The following SLCO3A1 variants were observed in gnomAD, a reference collection of about 807,000 sequenced individuals.
The protein encoded by SLCO3A1 is solute carrier organic anion transporter family member 3A1.
Under a neutral mutation model 63.1 loss-of-function variants are expected in SLCO3A1, and 27 were observed. That is an observed-to-expected ratio of 0.43 (90% confidence interval 0.32 to 0.59). The LOEUF (loss-of-function observed/expected upper bound fraction) is 0.59. Ranked by LOEUF, SLCO3A1 falls within the 20% of genes least tolerant of loss-of-function variation. The probability of loss-of-function intolerance (pLI) is 0.09; values close to 1 mark genes in which losing one functional copy is unlikely to be tolerated. For missense variants in SLCO3A1, 773 were observed against 945.8 expected, an observed-to-expected ratio of 0.82 and a Z score of 2.40; for synonymous variants, 473 against 409.9, an observed-to-expected ratio of 1.15 and a Z score of -1.86.
intron 5 of SLCO3A1, among the ~76,000 whole-genome samples, chr15:92,124,344 G>C (rs1399640166): frequency 6.6e-6 from 1 of 152,194 alleles, no homozygotes; most frequent in East Asian, 1.9e-4. Flanking sequence ...GAGGGGGCCT[G>C]ACAATGGCTT....
intron 2 of SLCO3A1, among the ~76,000 whole-genome samples, chr15:91,962,494 A>AC (rs1000976892): frequency 6.6e-6 from 1 of 151,530 alleles, no homozygotes; most frequent in African/African-American, 2.4e-5. Context: ...AAAAAAAAAA[A>AC]AAAAAAAGAG....
intron 3 of SLCO3A1, 77 bp from the exon 4 acceptor site, chr15:92,104,202 C>A: frequency 6.6e-7 from 1 of 1,522,386 alleles, no homozygotes; most frequent in Non-Finnish European, 9.0e-7. Flanking sequence ...CTCTGTTCAG[C>A]GGATTCAGAT....
At chr15:92,160,799 G>A (rs536428753) in intron 9 of SLCO3A1, among the ~76,000 whole-genome samples, 6 of 152,248 alleles carry the variant, frequency 3.9e-5, no homozygotes, top group African/African-American at 1.2e-4. Flanking sequence ...AAAACCGGGG[G>A]AAGGGCTGCT....
rs539162939 is a variant in SLCO3A1, at chr15:92,000,015, T to G, written c.646+83557T>G. Among the ~76,000 whole-genome samples, 21 of 152,336 alleles carry G rather than the reference T, an allele frequency of 1.4e-4. No individual in the cohort carries two copies. The South Asian group carries it at 4.4e-3, about 32-fold the overall frequency. On this transcript the variant is annotated intron_variant, in intron 2 of 9. Coordinates refer to ENST00000318445, the MANE Select transcript of SLCO3A1 (RefSeq NM_013272.4). ...AGTATTTGATATGTATAAGATAGAA[T>G]ACTATATGGCAATTAAATGAATGGA...
At chr15:92,151,779 G>A (rs566316846) in intron 9 of SLCO3A1, among the ~76,000 whole-genome samples, 10 of 152,326 alleles carry the variant, frequency 6.6e-5, no homozygotes, top group African/African-American at 2.2e-4. Context: ...TGGACTTTAA[G>A]TGGCATCTGA....
At chr15:92,085,175 C>T (rs2047390671) in intron 2 of SLCO3A1, among the ~76,000 whole-genome samples, 1 of 152,216 alleles carries the variant, frequency 6.6e-6, no homozygotes, top group Admixed American at 6.5e-5. Context: ...GGACGCACAT[C>T]CAGTCCAGCT....
intron 2 of SLCO3A1, among the ~76,000 whole-genome samples, chr15:92,085,806 C>A: frequency 6.6e-6 from 1 of 152,190 alleles, no homozygotes; most frequent in East Asian, 1.9e-4. Flanking sequence ...AACCACAGTC[C>A]TGACTTCTGT....
chr15:92,133,958 C>G lies in SLCO3A1; in HGVS notation c.1512+5469C>G, dbSNP rs541234494. ...ATAAAGCATGTTGCAGCACAGGAAA[C>G]AAACAGCGTGTCTGCCCTGAAGATA... On this transcript the variant is annotated intron_variant, in intron 7 of 9. Coordinates refer to ENST00000318445, the MANE Select transcript of SLCO3A1 (RefSeq NM_013272.4). Among the ~76,000 whole-genome samples, 62 of 152,274 alleles carry G rather than the reference C, an allele frequency of 4.1e-4. 1 individual carries two copies. In the South Asian group the frequency reaches 0.012, roughly 31 times the overall value.
At chr15:91,949,975 C>T (rs947079299) in intron 2 of SLCO3A1, among the ~76,000 whole-genome samples, 1 of 152,136 alleles carries the variant, frequency 6.6e-6, no homozygotes, top group African/African-American at 2.4e-5. Context: ...CTACTGCACT[C>T]CAGCCTGAGC....
rs980972438 is a variant in SLCO3A1, at chr15:91,980,733, C to A, written c.646+64275C>A. On this transcript the variant is annotated intron_variant, in intron 2 of 9. Coordinates refer to ENST00000318445, the MANE Select transcript of SLCO3A1 (RefSeq NM_013272.4). ...AGTGTGTCTCTTGGTGCCCTGGTGC[C>A]CCTTGAACAAACACAGTCCCAGGAA... Among the ~76,000 whole-genome samples the A allele has an allele frequency of 2.0e-5, 3 of 152,158 alleles. No homozygotes were observed. The East Asian group carries it at 5.8e-4, about 30-fold the overall frequency.
chr15:92,024,506 C>T (rs182548589), intron 2 of SLCO3A1, among the ~76,000 whole-genome samples: 11 of 152,290 alleles, frequency 7.2e-5, no homozygotes, highest in Non-Finnish European at 1.2e-4. Context: ...CATGTATTGA[C>T]GTGTTTGTGT....
At chr15:91,866,583 A>AG (rs2141848608) in intron 1 of SLCO3A1, among the ~76,000 whole-genome samples, 1 of 150,532 alleles carries the variant, frequency 6.6e-6, no homozygotes, top group Admixed American at 6.6e-5. Flanking sequence ...TTTAAAAAAA[A>AG]AAAAAAAAGA....
chr15:92,104,520 C>T lies in SLCO3A1; in HGVS notation c.987C>T (p.Ala329=), dbSNP rs761404865. The part of the protein sequence containing the change: ...LRHPLEPDSS[A]SCFQQLRVIP... The stretch of plus-strand genomic sequence containing the variant: ...ACCCCCTGGAGCCAGACAGCAGTGC[C>T]TCCTGTTTCCAGCAGCTGAGAGGTA... Residue 329 remains alanine, a synonymous_variant, in exon 4 of 10, where the codon GCC becomes GCT. Coordinates refer to ENST00000318445, the MANE Select transcript of SLCO3A1 (RefSeq NM_013272.4). 114 of 1,613,792 alleles carry T rather than the reference C, an allele frequency of 7.1e-5. No homozygotes were observed. The highest frequency in any genetic ancestry group is 6.6e-4 in the Middle Eastern group (4 of 6,058).
At chr15:92,027,274 G>A (rs1487782510) in intron 2 of SLCO3A1, among the ~76,000 whole-genome samples, 3 of 152,138 alleles carry the variant, frequency 2.0e-5, no homozygotes, top group Admixed American at 6.6e-5. Context: ...TAGAACAAAC[G>A]TTCTTTTAAT....
intron 7 of SLCO3A1, among the ~76,000 whole-genome samples, chr15:92,133,839 A>G (rs995108159): frequency 3.3e-5 from 5 of 152,134 alleles, no homozygotes; most frequent in African/African-American, 1.2e-4. Context: ...TGCTTGAATC[A>G]TCCTGAAACT....
chr15:91,987,097 G>A lies in SLCO3A1; in HGVS notation c.646+70639G>A, dbSNP rs28777713. 6.6e-3 allele frequency among the ~76,000 whole-genome samples: 1,000 copies of A among 152,120 alleles called. 13 individuals carry two copies. The highest frequency in any genetic ancestry group is 0.023 in the African/African-American group (961 of 41,490). ...ACCTGAGCAGAAGTTGCTTTTTATCGCTTACAGATTTGACATTTTCTAGGA... is the reference window on the plus strand; with the variant it reads ...ACCTGAGCAGAAGTTGCTTTTTATCACTTACAGATTTGACATTTTCTAGGA... On this transcript the variant is annotated intron_variant, in intron 2 of 9. Coordinates refer to ENST00000318445, the MANE Select transcript of SLCO3A1 (RefSeq NM_013272.4).
intron 2 of SLCO3A1, among the ~76,000 whole-genome samples, chr15:91,986,678 TCCTGGACAGGGCAGC>T (rs565314012): frequency 1.9e-4 from 29 of 152,092 alleles, no homozygotes; most frequent in African/African-American, 6.7e-4. Context: ...TTGGTTAACC[TCCTGGACAGGGCAGC>T]CCCAGAGGGG....
At chr15:92,148,065 G>A (rs893979238) in intron 8 of SLCO3A1, among the ~76,000 whole-genome samples, 1 of 152,176 alleles carries the variant, frequency 6.6e-6, no homozygotes. Flanking sequence ...AAAAGTAGCA[G>A]GGCGTGTTGG....
Position 92,164,020 on chromosome 15 carries a change from C to T in SLCO3A1, c.*885C>T, listed in dbSNP as rs2048472402. On this transcript the variant is annotated 3_prime_UTR_variant, in exon 10 of 10. Transcript: ENST00000318445. ...GTCATTTGCTTACATTTGCCAAAAACATTTTGCCATTTTTAAAAGAAAAAA... is the reference window on the plus strand; with the variant it reads ...GTCATTTGCTTACATTTGCCAAAAATATTTTGCCATTTTTAAAAGAAAAAA... 4 of 985,360 alleles carry T rather than the reference C, an allele frequency of 4.1e-6. 1 individual carries two copies. Among genetic ancestry groups the T allele is most frequent in the South Asian group, 9.4e-5 (2 of 21,294 alleles). 61.0% of individuals were successfully genotyped at this position (985,360 alleles called of 1,614,324 possible). A position where few individuals can be genotyped will look rare whatever the true frequency, so the allele number is the denominator to read the frequency against.
Sources: allele counts gnomAD v4.1 joint callset (sites outside exome capture counted in the v4.1 genomes callset), GRCh38; gene constraint gnomAD v4.1.1; transcripts MANE v1.5; gene names NCBI Gene and HGNC (gene_info 2026-07-23, HGNC 2026-07-21).